ADGRB3: variants seen among roughly 807,000 people sequenced by gnomAD.
ADGRB3 encodes the protein brain-specific angiogenesis inhibitor 3.
Under a neutral mutation model 193.4 loss-of-function variants are expected in ADGRB3, and 37 were observed. The observed-to-expected ratio is 0.19, with a 90% CI of 0.15 to 0.25. ADGRB3 has a LOEUF of 0.25. Among genes scored for constraint, ADGRB3 ranks in the 10% least tolerant of loss-of-function variants. The probability of loss-of-function intolerance (pLI) is 1.00; values close to 1 mark genes in which losing one functional copy is unlikely to be tolerated. For missense variants in ADGRB3, 1,637 were observed against 1,852.9 expected, an observed-to-expected ratio of 0.88 and a Z score of 2.14; for synonymous variants, 690 against 644.2, an observed-to-expected ratio of 1.07 and a Z score of -1.08.
At chr6:69,373,333 T>C (rs1035529628) in intron 30 of ADGRB3, among the ~76,000 whole-genome samples, 8 of 152,000 alleles carry the variant, frequency 5.3e-5, no homozygotes, top group Non-Finnish European at 1.0e-4. Context: ...TTTATGTAGA[T>C]CAATGTTCTA....
intron 3 of ADGRB3, among the ~76,000 whole-genome samples, chr6:68,814,113 A>T (rs1049397733): frequency 7.9e-5 from 12 of 152,110 alleles, no homozygotes; most frequent in Non-Finnish European, 1.5e-4. Context: ...CTACTTCTAG[A>T]TCCCTGAGGA....
chr6:69,217,335 C>T (rs2127245670), intron 17 of ADGRB3, among the ~76,000 whole-genome samples: 1 of 152,034 alleles, frequency 6.6e-6, no homozygotes, highest in South Asian at 2.1e-4. Flanking sequence ...CCCTTTTTAC[C>T]CCAAGCCTCT....
intron 20 of ADGRB3, among the ~76,000 whole-genome samples, chr6:69,270,335 T>C (rs2127278830): frequency 6.6e-6 from 1 of 152,282 alleles, no homozygotes; most frequent in Admixed American, 6.5e-5. Context: ...TTGGTGTACT[T>C]CCTCTGCTCT....
intron 16 of ADGRB3, among the ~76,000 whole-genome samples, chr6:69,071,982 T>C (rs1772092980): frequency 6.6e-6 from 1 of 152,166 alleles, no homozygotes; most frequent in South Asian, 2.1e-4. Flanking sequence ...ACAAATATTT[T>C]ACAGGTACTT....
rs187565345 is a variant in ADGRB3 at position 68,717,916 on chromosome 6, G to T, written c.757+78484G>T. Among the ~76,000 whole-genome samples, 229 of 151,536 alleles carry T rather than the reference G, an allele frequency of 1.5e-3. 1 individual carries two copies. Among genetic ancestry groups the T allele is most frequent in the African/African-American group, 5.2e-3 (217 of 41,414 alleles). The stretch of plus-strand genomic sequence containing the variant: ...AGGCCTGGTAGAAAGAATAACTGAT[G>T]GATAAAATCTCAATGTTGAAACGAT... On this transcript the variant is annotated intron_variant, in intron 3 of 31. Coordinates refer to ENST00000370598, the MANE Select transcript of ADGRB3 (RefSeq NM_001704.3).
intron 17 of ADGRB3, among the ~76,000 whole-genome samples, chr6:69,163,047 G>T (rs1037339470): frequency 6.6e-6 from 1 of 152,010 alleles, no homozygotes; most frequent in Non-Finnish European, 1.5e-5. Context: ...CTGCTTATTT[G>T]TCTGAGTCAA....
chr6:69,250,963 C>A (rs1766605909), intron 20 of ADGRB3, among the ~76,000 whole-genome samples: 1 of 152,200 alleles, frequency 6.6e-6, no homozygotes, highest in African/African-American at 2.4e-5. Context: ...CTATGTACTT[C>A]TTTCACCTCA....
At chr6:69,161,643 G>A (rs560444133) in intron 17 of ADGRB3, among the ~76,000 whole-genome samples, 9 of 152,050 alleles carry the variant, frequency 5.9e-5, no homozygotes, top group Admixed American at 4.6e-4. Context: ...CACAGTTGTC[G>A]TGGGTCAAGA....
intron 3 of ADGRB3, among the ~76,000 whole-genome samples, chr6:68,875,615 C>T (rs369262738): frequency 5.3e-5 from 8 of 151,944 alleles, no homozygotes; most frequent in Admixed American, 3.3e-4. Context: ...ACTAGGATAA[C>T]GGCATTATTA....
intron 20 of ADGRB3, among the ~76,000 whole-genome samples, chr6:69,296,787 G>A (rs184795689): frequency 6.6e-6 from 1 of 152,174 alleles, no homozygotes; most frequent in East Asian, 1.9e-4. Flanking sequence ...AGAGCTCTCA[G>A]CAGAAAAGTA....
At position 68,878,445 on chromosome 6, in the gene ADGRB3, A is replaced by G. The variant is rs116517582; in HGVS notation, c.758-52114A>G. On this transcript the variant is annotated intron_variant, in intron 3 of 31. Transcript: ENST00000370598. ...ATTGTAAAAAAAAAAATTAATACCT[A>G]GTTATCATTTAAATAATTTATATTT... Among the ~76,000 whole-genome samples, 733 of 152,274 alleles carry G rather than the reference A, an allele frequency of 4.8e-3. 5 individuals carry two copies. The highest frequency in any genetic ancestry group is 0.017 in the African/African-American group (689 of 41,564).
intron 3 of ADGRB3, among the ~76,000 whole-genome samples, chr6:68,880,894 CAAGGAATATA>C (rs1302553653): frequency 1.3e-5 from 2 of 151,856 alleles, no homozygotes; most frequent in African/African-American, 2.4e-5. Flanking sequence ...AAAAAGAGGC[CAAGGAATATA>C]AAGGAATATA....
At chr6:69,288,131 G>A (rs1180264146) in intron 20 of ADGRB3, among the ~76,000 whole-genome samples, 1 of 151,998 alleles carries the variant, frequency 6.6e-6, no homozygotes, top group Non-Finnish European at 1.5e-5. Flanking sequence ...ATGTGCCATG[G>A]TGGTTTGCTT....
chr6:68,650,304 G>A (rs1768331865), intron 3 of ADGRB3, among the ~76,000 whole-genome samples: 1 of 151,962 alleles, frequency 6.6e-6, no homozygotes, highest in African/African-American at 2.4e-5. Context: ...TTTGAGTTTA[G>A]GCCCTCTAGG....
At chr6:68,777,904 G>T (rs1265034764) in intron 3 of ADGRB3, among the ~76,000 whole-genome samples, 1 of 151,924 alleles carries the variant, frequency 6.6e-6, no homozygotes, top group Non-Finnish European at 1.5e-5. Context: ...GCTGGAAAAT[G>T]CAATCTTGCT....
chr6:69,276,453 A>T (rs1166580934), intron 20 of ADGRB3, among the ~76,000 whole-genome samples: 1 of 152,252 alleles, frequency 6.6e-6, no homozygotes, highest in Non-Finnish European at 1.5e-5. Context: ...ATCTAAAATT[A>T]AAAATGCTAC....
chr6:69,009,767 G>A (rs1442418563), intron 11 of ADGRB3, among the ~76,000 whole-genome samples: 1 of 151,990 alleles, frequency 6.6e-6, no homozygotes, highest in Non-Finnish European at 1.5e-5. Flanking sequence ...GACTCTTAGG[G>A]CTTGTCTTTG....
At chr6:69,290,494 G>A (rs1767643270) in intron 20 of ADGRB3, among the ~76,000 whole-genome samples, 1 of 152,004 alleles carries the variant, frequency 6.6e-6, no homozygotes, top group Non-Finnish European at 1.5e-5. Flanking sequence ...AAACATACAA[G>A]CACAGGTCAC....
chr6:68,892,226 A>G (rs1472008738), intron 3 of ADGRB3, among the ~76,000 whole-genome samples: 1 of 152,152 alleles, frequency 6.6e-6, no homozygotes, highest in Non-Finnish European at 1.5e-5. Context: ...CTTCTGCTTA[A>G]AACTCTCCAG....
Sources: gnomAD v4.1 joint callset for allele counts (sites outside exome capture counted in the v4.1 genomes callset) on GRCh38, gnomAD v4.1.1 for gene constraint, MANE v1.5 for transcripts, NCBI Gene and HGNC (gene_info 2026-07-23, HGNC 2026-07-21) for gene names.